CNTLN: variants seen among roughly 807,000 people sequenced by gnomAD.
CNTLN encodes the protein centlein.
A neutral mutation model predicts 180.0 loss-of-function variants in CNTLN; 212 were observed. That is an observed-to-expected ratio of 1.18 (90% CI 1.05 to 1.32). The LOEUF is 1.32. Among genes scored for constraint, CNTLN ranks in the 40% most tolerant of loss-of-function variants. CNTLN has a pLI of 0.00. For missense variants in CNTLN, 2,095 were observed against 1,610.9 expected, an observed-to-expected ratio of 1.30 and a Z score of -5.14; for synonymous variants, 722 against 563.1, an observed-to-expected ratio of 1.28 and a Z score of -3.99.
intron 12 of CNTLN, among the ~76,000 whole-genome samples, chr9:17,350,354 T>C (rs1233047021): frequency 1.3e-5 from 2 of 152,208 alleles, no homozygotes; most frequent in Admixed American, 1.3e-4. Flanking sequence ...TCTATACTAA[T>C]CTGTAGCCTA....
chr9:17,311,381 C>T (rs1315995112), intron 8 of CNTLN, among the ~76,000 whole-genome samples: 1 of 150,604 alleles, frequency 6.6e-6, no homozygotes, highest in Non-Finnish European at 1.5e-5. Flanking sequence ...TTTGGTATTT[C>T]ATTTAAGAAA....
intron 3 of CNTLN, among the ~76,000 whole-genome samples, chr9:17,231,185 C>T (rs971737298): frequency 1.3e-5 from 2 of 152,030 alleles, no homozygotes; most frequent in African/African-American, 4.8e-5. Flanking sequence ...CCAGAAGCCC[C>T]CTCCATTGAA....
At chr9:17,209,968 G>T (rs1823177883) in intron 2 of CNTLN, among the ~76,000 whole-genome samples, 1 of 152,266 alleles carries the variant, frequency 6.6e-6, no homozygotes, top group Middle Eastern at 3.4e-3. Flanking sequence ...ATATTTAACA[G>T]TTTTAAAGAC....
chr9:17,326,427 C>T (rs1359224375), intron 8 of CNTLN, among the ~76,000 whole-genome samples: 2 of 151,696 alleles, frequency 1.3e-5, no homozygotes, highest in African/African-American at 2.4e-5. Context: ...CTTGATTTTG[C>T]TATACATGTA....
intron 10 of CNTLN, among the ~76,000 whole-genome samples, chr9:17,336,800 G>A (rs1005919199): frequency 2.6e-5 from 4 of 152,234 alleles, no homozygotes; most frequent in Middle Eastern, 3.4e-3. Context: ...GTGGTTTGCT[G>A]CACCCATCAA....
At chr9:17,135,662 C>T (rs1817662937) in intron 1 of CNTLN, among the ~76,000 whole-genome samples, 1 of 152,160 alleles carries the variant, frequency 6.6e-6, no homozygotes, top group Non-Finnish European at 1.5e-5. Flanking sequence ...CCTCCGCGCC[C>T]GGGTTTGGTT....
chr9:17,321,980 T>C (rs1819945562), intron 8 of CNTLN, among the ~76,000 whole-genome samples: 1 of 152,172 alleles, frequency 6.6e-6, no homozygotes, highest in African/African-American at 2.4e-5. Flanking sequence ...CTTATCATCG[T>C]ATTTTTATAC....
intron 7 of CNTLN, among the ~76,000 whole-genome samples, chr9:17,302,410 G>A (rs1218406546): frequency 6.6e-6 from 1 of 152,036 alleles, no homozygotes; most frequent in African/African-American, 2.4e-5. Flanking sequence ...TGTTGACTAG[G>A]CTGGTCTCGA....
Position 17,254,498 on chromosome 9 carries a change from CA to C in CNTLN, c.849+17913del, listed in dbSNP as rs1423902326. Among the ~76,000 whole-genome samples the C allele has an allele frequency of 2.7e-5, 4 of 150,352 alleles. No individual in the cohort carries two copies. The Admixed American group carries it at 2.7e-4, about 10-fold the overall frequency. On this transcript the variant is annotated intron_variant, in intron 5 of 25. Coordinates refer to ENST00000380647, the MANE Select transcript of CNTLN (RefSeq NM_017738.4). ...CTTTTGTGTGTATGGTGTAAGGGTC[CA>C]AATTCATTCATTTGTGAGTAGATAT...
intron 15 of CNTLN, among the ~76,000 whole-genome samples, chr9:17,400,851 C>T (rs561786778): frequency 1.7e-4 from 26 of 152,136 alleles, no homozygotes; most frequent in African/African-American, 6.0e-4. Flanking sequence ...AGTGTAGTCT[C>T]ACATAACAAA....
intron 2 of CNTLN, among the ~76,000 whole-genome samples, chr9:17,195,941 T>G (rs1289450552): frequency 6.6e-6 from 1 of 152,152 alleles, no homozygotes; most frequent in African/African-American, 2.4e-5. Context: ...AAGATTAAAT[T>G]TTATTATAAG....
chr9:17,445,654 C>T (rs991554313), intron 18 of CNTLN, among the ~76,000 whole-genome samples: 3 of 152,238 alleles, frequency 2.0e-5, no homozygotes, highest in East Asian at 1.9e-4. Context: ...ACAAAAACTG[C>T]GGAAGGCCTC....
At chr9:17,155,600 A>G (rs1211705029) in intron 2 of CNTLN, among the ~76,000 whole-genome samples, 2 of 152,110 alleles carry the variant, frequency 1.3e-5, no homozygotes, top group Non-Finnish European at 2.9e-5. Flanking sequence ...GCAATGGCGG[A>G]CGCCCTTCCC....
chr9:17,320,125 C>T (rs139160484), intron 8 of CNTLN, among the ~76,000 whole-genome samples: 1 of 152,338 alleles, frequency 6.6e-6, no homozygotes, highest in African/African-American at 2.4e-5. Flanking sequence ...TGCCATGTGG[C>T]TAATGGCAAG....
chr9:17,418,638 TC>T (rs145143078), intron 18 of CNTLN, among the ~76,000 whole-genome samples: 5,245 of 152,124 alleles, frequency 0.034, 155 homozygotes, highest in East Asian at 0.17. Context: ...CGGTAAATAT[TC>T]TAATTTAATT....
At chr9:17,339,576 A>G (rs1821311708) in intron 10 of CNTLN, among the ~76,000 whole-genome samples, 1 of 152,230 alleles carries the variant, frequency 6.6e-6, no homozygotes, top group East Asian at 1.9e-4. Context: ...GATCTTTCTG[A>G]TTACCATATG....
rs1831778461 is a variant in CNTLN at position 17,466,820 on chromosome 9, G to A, written c.3784G>A (p.Val1262Ile). ...AGAATTAGCATTGCAAAGTGAACAG[G>A]TCCTAGAAGGTGCACAGAAGACATT... is the stretch of plus-strand genomic sequence containing the variant. Reference protein sequence around the residue: ...LQELALQSEQVLEGAQKTLLL... With the variant: ...LQELALQSEQILEGAQKTLLL... The change falls in exon 23 of 26, where the codon GTC becomes ATC. Residue 1262 changes from valine (V) to isoleucine (I), a missense_variant. Val to Ile is a conservative substitution (Grantham distance 29). Transcript: ENST00000380647. The A allele has an allele frequency of 6.2e-7, 1 of 1,611,042 alleles. No individual in the cohort carries two copies. Among genetic ancestry groups the A allele is most frequent in the South Asian group, 1.1e-5 (1 of 90,950 alleles).
intron 23 of CNTLN, among the ~76,000 whole-genome samples, chr9:17,472,221 A>G (rs961206224): frequency 2.6e-5 from 4 of 152,126 alleles, no homozygotes; most frequent in African/African-American, 9.7e-5. Context: ...CTTACATGGT[A>G]CATGAGGGTT....
At chr9:17,455,152 G>T (rs1418212899) in intron 18 of CNTLN, among the ~76,000 whole-genome samples, 2 of 152,156 alleles carry the variant, frequency 1.3e-5, no homozygotes, top group African/African-American at 4.8e-5. Context: ...GTTAGTAATA[G>T]AGCTCCAGTT....
Sources: allele counts gnomAD v4.1 joint callset (sites outside exome capture counted in the v4.1 genomes callset), GRCh38; gene constraint gnomAD v4.1.1; transcripts MANE v1.5; gene names NCBI Gene and HGNC (gene_info 2026-07-23, HGNC 2026-07-21).